MYO1G: variants seen among roughly 807,000 people sequenced by gnomAD.
The protein encoded by MYO1G is myosin IG, also known as unconventional myosin-Ig.
MYO1G carries 65 observed loss-of-function variants against 115.3 expected under a neutral mutation model. The observed-to-expected ratio is 0.56, with a 90% CI of 0.46 to 0.69. The LOEUF is 0.69. MYO1G is among the 30% of genes least tolerant of loss of function. The pLI is 0.00. For synonymous variants in MYO1G, 510 were observed against 552.6 expected (o/e 0.92, Z 1.08); for missense variants, 1,204 against 1,393.5 (o/e 0.86, Z 2.16).
At position 44,970,138 on chromosome 7, in the gene MYO1G, T is replaced by C. The variant is rs1401347682; in HGVS notation, c.1234A>G (p.Ile412Val). ...FPVNSFEQFCINYCNEKLQQL... is the reference protein window; with the variant it reads ...FPVNSFEQFCVNYCNEKLQQL... Reference sequence around the variant, plus strand: ...TGCAGCTTCTCGTTGCAGTAGTTGATGCAGAACTGCTCGAAACTGGGGGTG... The same window carrying C: ...TGCAGCTTCTCGTTGCAGTAGTTGACGCAGAACTGCTCGAAACTGGGGGTG... The change falls in exon 10 of 22, where the codon ATC becomes GTC. Residue 412 changes from isoleucine (I) to valine (V), a missense_variant. Coordinates refer to ENST00000258787, the MANE Select transcript of MYO1G (RefSeq NM_033054.3). 1.9e-6 allele frequency: 3 copies of C among 1,613,752 alleles called. No individual in the cohort carries two copies. The highest frequency in any genetic ancestry group is 8.5e-7 in the Non-Finnish European group (1 of 1,179,804).
At chr7:44,978,433 A>G (rs1321981354) in intron 1 of MYO1G, among the ~76,000 whole-genome samples, 1 of 152,208 alleles carries the variant, frequency 6.6e-6, no homozygotes, top group East Asian at 1.9e-4. Flanking sequence ...GCCAGGCCCC[A>G]TGGATGAGAT....
At position 44,963,939 on chromosome 7, in the gene MYO1G, G is replaced by C. The variant is rs936737338; in HGVS notation, c.2745+110C>G. On this transcript the variant is annotated intron_variant, in intron 20 of 21. Coordinates refer to ENST00000258787, the MANE Select transcript of MYO1G (RefSeq NM_033054.3). The surrounding 1 kb of genome is among the most constrained non-coding windows in gnomAD (Gnocchi z 4.1). The stretch of plus-strand genomic sequence containing the variant: ...GCCACCATCGCTGAGTTTTAGGATG[G>C]TCTGGGCCATCTCAGGTAAACAGGG... The C allele has an allele frequency of 3.3e-6, 3 of 907,246 alleles. No homozygotes were observed. The highest frequency in any genetic ancestry group is 1.7e-6 in the Non-Finnish European group (1 of 582,798). The allele number at this position is 907,246 out of a possible 1,614,324, so 56.2% of individuals were successfully genotyped here. A position where few individuals can be genotyped will look rare whatever the true frequency, so the allele number is the denominator to read the frequency against.
Position 44,965,823 on chromosome 7 carries a change from C to G in MYO1G, c.2195G>C (p.Arg732Thr). Residue 732 changes from arginine to threonine, a missense_variant, in exon 17 of 22, where the codon AGG becomes ACG. Arg to Thr is a moderately conservative substitution (Grantham distance 71, BLOSUM62 -1). Transcript: ENST00000258787. ...RGTLARWRCR[R>T]LRAIYTIMRW... ...CATGATGGTGTAGATAGCCCTCAGC[C>G]TCCGGCAGCGCCACCTCGCCAAGGT... is the stretch of plus-strand genomic sequence containing the variant. 6.2e-7 allele frequency: 1 copy of G among 1,600,592 alleles called. No homozygotes were observed. The highest frequency in any genetic ancestry group is 8.5e-7 in the Non-Finnish European group (1 of 1,179,808).
chr7:44,962,856 G>T lies in MYO1G; in HGVS notation c.2940C>A (p.Ile980=). 1 of 1,505,838 alleles carries T rather than the reference G, an allele frequency of 6.6e-7. No homozygotes were observed. The highest frequency in any genetic ancestry group is 2.6e-5 in the East Asian group (1 of 37,870). The allele number at this position is 1,505,838 out of a possible 1,614,324, so 93.3% of individuals were successfully genotyped here. ...RTLEVRVSDC[I]PLSHRGVRRL... The stretch of plus-strand genomic sequence containing the variant: ...GCCGGACCCCGCGATGGCTTAGTGG[G>T]ATGCAGTCGGAGACGCGAACCTCCA... Residue 980 remains isoleucine, a synonymous_variant, in exon 22 of 22, where the codon ATC becomes ATA. Transcript: ENST00000258787. This position sits in a 1 kb window ranked among gnomAD's most constrained non-coding sequence, Gnocchi z 5.3.
intron 1 of MYO1G, 70 bp downstream of exon 1, chr7:44,978,797 A>C (rs1478359528): frequency 3.5e-6 from 5 of 1,440,212 alleles, no homozygotes; most frequent in Non-Finnish European, 4.9e-6. Flanking sequence ...TCTTTCCCTC[A>C]GGTCTCTGCG....
intron 17 of MYO1G, 88 bp from the exon 18 acceptor site, chr7:44,965,177 A>G: frequency 6.6e-7 from 1 of 1,517,074 alleles, no homozygotes; most frequent in South Asian, 1.3e-5. Context: ...CTGAGCCCTC[A>G]GCCTGGTGCT....
Position 44,969,825 on chromosome 7 carries a change from G to C in MYO1G, c.1383C>G (p.His461Gln). 1 of 1,613,136 alleles carries C rather than the reference G, an allele frequency of 6.2e-7. No homozygotes were observed. Among genetic ancestry groups the C allele is most frequent in the Non-Finnish European group, 8.5e-7 (1 of 1,179,718 alleles). ...ATIVDLVERPHRGILAVLDEA... is the reference protein window; with the variant it reads ...ATIVDLVERPQRGILAVLDEA... Reference sequence around the variant, plus strand: ...CGTCCAGCACGGCCAGGATGCCACGGTGGGGCCGCTCCACCAGATCCACAA... The same window carrying C: ...CGTCCAGCACGGCCAGGATGCCACGCTGGGGCCGCTCCACCAGATCCACAA... Residue 461 changes from histidine (H) to glutamine (Q), a missense_variant, in exon 11 of 22, where the codon CAC becomes CAG. Coordinates refer to ENST00000258787, the MANE Select transcript of MYO1G (RefSeq NM_033054.3). The surrounding 1 kb of genome is among the most constrained non-coding windows in gnomAD (Gnocchi z 5.0).
chr7:44,976,961 C>A lies in MYO1G; in HGVS notation c.206G>T (p.Arg69Leu). 1 of 1,613,656 alleles carries A rather than the reference C, an allele frequency of 6.2e-7. No homozygotes were observed. Among genetic ancestry groups the A allele is most frequent in the Non-Finnish European group, 8.5e-7 (1 of 1,180,030 alleles). Residue 69 changes from arginine (R) to leucine (L), a missense_variant, in exon 2 of 22, where the codon CGT (arginine) becomes CTT (leucine). Physicochemically the swap from Arg to Leu is moderately radical, Grantham distance 102. Coordinates refer to ENST00000258787, the MANE Select transcript of MYO1G (RefSeq NM_033054.3). ...ATGGGGTGGCCGCTCATAGAGCTCA[C>A]GGCCCTGGTACCTGGCGATGGCCTC... ...GPEAIARYQG[R>L]ELYERPPHLY...
intron 3 of MYO1G, among the ~76,000 whole-genome samples, chr7:44,976,167 C>T (rs903034130): frequency 4.6e-5 from 7 of 152,236 alleles, no homozygotes; most frequent in Admixed American, 1.3e-4. Flanking sequence ...CCATCACCCA[C>T]ACAGCCACCT....
rs1282493620 is a variant in MYO1G, at chr7:44,978,937, A to T, written c.25T>A (p.Tyr9Asn). The T allele has an allele frequency of 6.2e-7, 1 of 1,613,880 alleles. No homozygotes were observed. The highest frequency in any genetic ancestry group is 1.7e-5 in the Admixed American group (1 of 59,996). Residue 9 changes from tyrosine to asparagine, a missense_variant, in exon 1 of 22, where the codon TAT becomes AAT. Tyr to Asn is a moderately radical substitution (Grantham distance 143). Transcript: ENST00000258787. Reference sequence around the variant, plus strand: ...AAAAGCACAAAGTCAGGTTTGCCATACTCAGGGCCTTCCTCGTCCTCCATC... The same window carrying T: ...AAAAGCACAAAGTCAGGTTTGCCATTCTCAGGGCCTTCCTCGTCCTCCATC... Reference protein sequence around the residue: MEDEEGPEYGKPDFVLLDQ... With the variant: MEDEEGPENGKPDFVLLDQ...
Position 44,963,765 on chromosome 7 carries a change from C to T in MYO1G, c.2745+284G>A, listed in dbSNP as rs1174666371. On this transcript the variant is annotated intron_variant, in intron 20 of 21. Coordinates refer to ENST00000258787, the MANE Select transcript of MYO1G (RefSeq NM_033054.3). The surrounding 1 kb of genome is among the most constrained non-coding windows in gnomAD (Gnocchi z 4.1). ...CCCAGAATGCCCAGGTGGGAGAACC[C>T]CAGTTGGGCACAAGTTGGAAGAGGG... 2.3e-6 allele frequency: 1 copy of T among 441,146 alleles called. No homozygotes were observed. The highest frequency in any genetic ancestry group is 4.1e-6 in the Non-Finnish European group (1 of 241,036). 27.3% of individuals were successfully genotyped at this position (441,146 alleles called of 1,614,324 possible). A position where few individuals can be genotyped will look rare whatever the true frequency, so the allele number is the denominator to read the frequency against.
Position 44,966,210 on chromosome 7 carries a change from G to T in MYO1G, c.2020C>A (p.Leu674Ile). ...CCCTGCAGCCCGTGCTGCTCCAGGA[G>T]AGCGCTCACGGCTGCCTTGTCGGAG... ...LGSDKAAVSA[L>I]LEQHGLQGDV... The change falls in exon 16 of 22, where the codon CTC (leucine) becomes ATC (isoleucine). Residue 674 changes from leucine to isoleucine, a missense_variant. Physicochemically the swap from Leu to Ile is conservative, Grantham distance 5 (BLOSUM62 2). Transcript: ENST00000258787. This position sits in a 1 kb window ranked among gnomAD's most constrained non-coding sequence, Gnocchi z 5.0. The T allele has an allele frequency of 6.2e-7, 1 of 1,612,622 alleles. No individual in the cohort carries two copies. Among genetic ancestry groups the T allele is most frequent in the South Asian group, 1.1e-5 (1 of 90,998 alleles).
At chr7:44,978,063 C>T (rs1440202529) in intron 1 of MYO1G, among the ~76,000 whole-genome samples, 1 of 152,154 alleles carries the variant, frequency 6.6e-6, no homozygotes, top group East Asian at 1.9e-4. Flanking sequence ...GCTAGCCCTC[C>T]TCTTTGAGCC....
At chr7:44,975,299 C>T (rs1238112058) in intron 4 of MYO1G, 72 bp from the exon 5 acceptor site, 8 of 1,578,502 alleles carry the variant, frequency 5.1e-6, no homozygotes, top group Admixed American at 1.7e-5. Context: ...CTGAACATTC[C>T]CAGGTGCAAG....
In MYO1G at chr7:44,971,803, G is replaced by A. The variant is rs1344337816; in HGVS notation, c.730-14C>T. 1.3e-6 allele frequency: 2 copies of A among 1,541,144 alleles called. No homozygotes were observed. Among genetic ancestry groups the A allele is most frequent in the East Asian group, 2.4e-5 (1 of 41,192 alleles). ...ACTGTCCAAGGCCTAGGGTAGAAGG[G>A]ATTCATCACTCCAAAGCCACACTGG... On this transcript the variant is annotated splice_polypyrimidine_tract_variant and intron_variant, in intron 6 of 21. Coordinates refer to ENST00000258787, the MANE Select transcript of MYO1G (RefSeq NM_033054.3).
At chr7:44,972,028 C>T in intron 6 of MYO1G, 87 bp downstream of exon 6, 1 of 1,091,114 alleles carries the variant, frequency 9.2e-7, no homozygotes, top group South Asian at 1.3e-5. Flanking sequence ...TCACCCTGGC[C>T]TGTGCTGAGT....
In MYO1G at chr7:44,964,269, G is replaced by T; in HGVS notation, c.2632-107C>A. The T allele has an allele frequency of 7.8e-7, 1 of 1,288,716 alleles. No individual in the cohort carries two copies. The highest frequency in any genetic ancestry group is 1.2e-5 in the South Asian group (1 of 80,082). 79.8% of individuals were successfully genotyped at this position (1,288,716 alleles called of 1,614,324 possible). On this transcript the variant is annotated intron_variant, in intron 19 of 21. Transcript: ENST00000258787. This position sits in a 1 kb window ranked among gnomAD's most constrained non-coding sequence, Gnocchi z 5.1. ...CCCCTCCCCGCTGGCGACAGTTTTG[G>T]GAGTGTCAGGAGCAGCTGGGCCTGG...
Position 44,977,004 on chromosome 7 carries a change from G to C in MYO1G, c.163C>G (p.Leu55Val). The change falls in exon 2 of 22, where the codon CTG becomes GTG. Residue 55 changes from leucine to valine, a missense_variant. Coordinates refer to ENST00000258787, the MANE Select transcript of MYO1G (RefSeq NM_033054.3). ...ATGGCCTCAGGCCCATACAGGGGCA[G>C]CTCCTGGTAGGGGTTCACGGACACC... The part of the protein sequence containing the change: ...VLVSVNPYQE[L>V]PLYGPEAIAR... 6.2e-7 allele frequency: 1 copy of C among 1,613,694 alleles called. No homozygotes were observed.
rs760236745 is a variant in MYO1G at position 44,977,116 on chromosome 7, C to A, written c.96-45G>T. ...GCCTCAGCACTCACAGGCTTACAGG[C>A]ACCCACAGGCCTTTCGCCAGAGCCC... is the stretch of plus-strand genomic sequence containing the variant. On this transcript the variant is annotated intron_variant, in intron 1 of 21. Transcript: ENST00000258787. The A allele has an allele frequency of 1.1e-5, 17 of 1,582,468 alleles. No homozygotes were observed. The South Asian group carries it at 1.9e-4, about 18-fold the overall frequency.
Sources: allele counts gnomAD v4.1 joint callset (sites outside exome capture counted in the v4.1 genomes callset), GRCh38; gene constraint gnomAD v4.1.1; non-coding constraint Gnocchi (gnomAD v3.1); transcripts MANE v1.5; gene names NCBI Gene and HGNC (gene_info 2026-07-23, HGNC 2026-07-21).